The following SOX5 variants were observed in gnomAD, a reference collection of about 807,000 sequenced individuals.
SOX5 encodes the protein SRY-box transcription factor 5.
Under a neutral mutation model 92.0 loss-of-function variants are expected in SOX5, and 9 were observed. The ratio of observed to expected loss-of-function variants is 0.10; its 90% CI spans 0.06 to 0.17. SOX5 has a LOEUF of 0.17. Among genes scored for constraint, SOX5 ranks in the 10% least tolerant of loss-of-function variants. SOX5 has a pLI of 1.00. For synonymous variants in SOX5, 344 were observed against 336.3 expected (o/e 1.02, Z -0.25); for missense variants, 642 against 944.5 (o/e 0.68, Z 4.20).
chr12:24,077,291 A>G (rs1942747357), intron 4 of SOX5, among the ~76,000 whole-genome samples: 5 of 152,108 alleles, frequency 3.3e-5, no homozygotes, highest in Admixed American at 6.6e-5. Flanking sequence ...CCCTTCCAAG[A>G]TCTGCTTCCA....
At chr12:23,790,548 T>TCA (rs941547453) in intron 3 of SOX5, among the ~76,000 whole-genome samples, 53,745 of 136,972 alleles carry the variant, frequency 0.39, 10,662 homozygotes, top group East Asian at 0.68. Flanking sequence ...TCTCAATCTC[T>TCA]CACACACACA....
chr12:23,823,039 A>G (rs1208282369), intron 3 of SOX5, among the ~76,000 whole-genome samples: 1 of 152,146 alleles, frequency 6.6e-6, no homozygotes, highest in African/African-American at 2.4e-5. Flanking sequence ...TCCTGAATAC[A>G]GCACACTGAT....
At position 24,531,886 on chromosome 12, in the gene SOX5, G is replaced by C. The variant is rs73291669; in HGVS notation, c.-251+30443C>G. On this transcript the variant is annotated intron_variant, in intron 1 of 4. Coordinates refer to the SOX5 transcript ENST00000446891. ...CAGGCTCTATGGCAGCTCCAAAGTA[G>C]AATTCCTGAATATTCTGAGCAATTT... is the stretch of plus-strand genomic sequence containing the variant. 1.9e-3 allele frequency among the ~76,000 whole-genome samples: 283 copies of C among 152,326 alleles called. 1 individual carries two copies. The highest frequency in any genetic ancestry group is 6.6e-3 in the African/African-American group (274 of 41,570).
chr12:23,758,388 G>GTTT (rs61280264), intron 3 of SOX5, among the ~76,000 whole-genome samples: 62 of 144,152 alleles, frequency 4.3e-4, no homozygotes, highest in Non-Finnish European at 4.7e-4. Flanking sequence ...CTTGAACTAA[G>GTTT]TTTTTTTTTT....
At chr12:23,558,917 A>G (rs1006216945) in intron 11 of SOX5, among the ~76,000 whole-genome samples, 1 of 152,132 alleles carries the variant, frequency 6.6e-6, no homozygotes, top group Non-Finnish European at 1.5e-5. Flanking sequence ...ATCACTATCT[A>G]AGCTACTACA....
chr12:23,692,439 G>GAAAA (rs11427578), intron 6 of SOX5, among the ~76,000 whole-genome samples: 5,945 of 132,498 alleles, frequency 0.045, 168 homozygotes, highest in South Asian at 0.086. Context: ...TACGCCTCAG[G>GAAAA]AAAAAAAAAA....
chr12:24,259,866 T>C (rs914884750), intron 3 of SOX5, among the ~76,000 whole-genome samples: 34 of 152,268 alleles, frequency 2.2e-4, no homozygotes, highest in African/African-American at 7.9e-4. Flanking sequence ...TTCAAAAAAA[T>C]AACATTTTAG....
intron 2 of SOX5, among the ~76,000 whole-genome samples, chr12:24,331,552 A>G (rs1186075008): frequency 6.6e-6 from 1 of 152,180 alleles, no homozygotes; most frequent in East Asian, 1.9e-4. Context: ...AAAGAACCCA[A>G]GAAATTTAAA....
intron 4 of SOX5, among the ~76,000 whole-genome samples, chr12:24,002,561 T>A (rs1456060647): frequency 6.6e-6 from 1 of 152,078 alleles, no homozygotes; most frequent in Non-Finnish European, 1.5e-5. Flanking sequence ...ATTTTAAAAA[T>A]TGAATTAGTA....
chr12:23,596,469 A>C (rs1423034168), intron 9 of SOX5, among the ~76,000 whole-genome samples: 1 of 152,202 alleles, frequency 6.6e-6, no homozygotes, highest in Non-Finnish European at 1.5e-5. Context: ...TGTGTAAGCA[A>C]CATATATTTA....
At chr12:23,623,507 T>A (rs1014391741) in intron 8 of SOX5, among the ~76,000 whole-genome samples, 1 of 152,118 alleles carries the variant, frequency 6.6e-6, no homozygotes, top group African/African-American at 2.4e-5. Flanking sequence ...TAGATGGTAC[T>A]TAGAAACAGT....
intron 3 of SOX5, among the ~76,000 whole-genome samples, chr12:23,820,415 C>T (rs1158031724): frequency 6.6e-6 from 1 of 152,168 alleles, no homozygotes; most frequent in African/African-American, 2.4e-5. Context: ...TGTGCAGCAG[C>T]TCTTTAGTTT....
chr12:23,921,039 G>A (rs771617276), intron 1 of SOX5, among the ~76,000 whole-genome samples: 59 of 152,086 alleles, frequency 3.9e-4, no homozygotes, highest in Admixed American at 1.6e-3. Context: ...AATATTTGTT[G>A]AGTGACTGTC....
intron 2 of SOX5, among the ~76,000 whole-genome samples, chr12:24,295,233 C>G (rs1383683606): frequency 6.6e-6 from 1 of 151,988 alleles, no homozygotes; most frequent in Non-Finnish European, 1.5e-5. Flanking sequence ...ATTGACAGCA[C>G]ATTTTTTCCT....
intron 4 of SOX5, among the ~76,000 whole-genome samples, chr12:23,968,932 G>T (rs1361079413): frequency 6.6e-6 from 1 of 152,106 alleles, no homozygotes; most frequent in Non-Finnish European, 1.5e-5. Flanking sequence ...TATTTGCCAA[G>T]ACTATTTCTA....
intron 3 of SOX5, among the ~76,000 whole-genome samples, chr12:23,796,908 T>C (rs2095572935): frequency 1.7e-5 from 1 of 57,940 alleles, no homozygotes; most frequent in African/African-American, 6.5e-5. Flanking sequence ...TATATATATT[T>C]ATATATATAT....
At chr12:23,650,006 A>C (rs761781308) in intron 7 of SOX5, among the ~76,000 whole-genome samples, 1 of 152,002 alleles carries the variant, frequency 6.6e-6, no homozygotes, top group African/African-American at 2.4e-5. Flanking sequence ...TTGGCCTTAC[A>C]TGTTTTTTTG....
At chr12:23,563,221 A>T in intron 11 of SOX5, 37 bp downstream of exon 11, 1 of 1,507,418 alleles carries the variant, frequency 6.6e-7, no homozygotes, top group Non-Finnish European at 9.1e-7. Context: ...CAATTTAATT[A>T]AGTATTTCTA....
chr12:24,080,174 T>A (rs1449605107), intron 4 of SOX5, among the ~76,000 whole-genome samples: 1 of 151,972 alleles, frequency 6.6e-6, no homozygotes, highest in Non-Finnish European at 1.5e-5. Flanking sequence ...GATAAAAATA[T>A]GTTTCTGAGA....
Sources: gnomAD v4.1 joint callset for allele counts (sites outside exome capture counted in the v4.1 genomes callset) on GRCh38, gnomAD v4.1.1 for gene constraint, MANE v1.5 for transcripts, NCBI Gene and HGNC (gene_info 2026-07-23, HGNC 2026-07-21) for gene names.